The following PARD6B variants were observed in gnomAD, a reference collection of about 807,000 sequenced individuals.
PARD6B encodes partitioning defective 6 homolog beta.
A neutral mutation model predicts 10.5 loss-of-function variants in PARD6B; 4 were observed. The observed-to-expected ratio is 0.38, with a 90% CI of 0.19 to 0.87. PARD6B has a LOEUF of 0.87. PARD6B is among the 40% of genes least tolerant of loss of function. PARD6B has a pLI of 0.41. For synonymous variants in PARD6B, 169 were observed against 170.4 expected, an observed-to-expected ratio of 0.99 and a Z score of 0.07; for missense variants, 396 against 470.6, an observed-to-expected ratio of 0.84 and a Z score of 1.47.
intron 1 of PARD6B, among the ~76,000 whole-genome samples, chr20:50,737,550 CAG>C (rs1356932456): frequency 3.9e-5 from 6 of 152,126 alleles, no homozygotes; most frequent in African/African-American, 1.2e-4. Context: ...GGGCTCCAGA[CAG>C]GGTTTGAGCT....
At chr20:50,736,513 C>T (rs954298443) in intron 1 of PARD6B, among the ~76,000 whole-genome samples, 10 of 152,106 alleles carry the variant, frequency 6.6e-5, no homozygotes, top group African/African-American at 9.7e-5. Flanking sequence ...TGCTGGTCTC[C>T]GCAGTGATTC....
At chr20:50,734,092 C>T (rs535283797) in intron 1 of PARD6B, among the ~76,000 whole-genome samples, 7 of 152,286 alleles carry the variant, frequency 4.6e-5, no homozygotes, top group Admixed American at 2.0e-4. Context: ...AAGTCGGTCC[C>T]ACTATTCTAG....
intron 2 of PARD6B, among the ~76,000 whole-genome samples, chr20:50,746,541 C>G (rs2087568527): frequency 6.6e-6 from 1 of 152,236 alleles, no homozygotes; most frequent in Non-Finnish European, 1.5e-5. Context: ...AAAGTCAACT[C>G]CAATTCCTTG....
In PARD6B at chr20:50,731,794, G is replaced by A. The variant is rs1041987828; in HGVS notation, c.8G>A (p.Arg3His). Residue 3 changes from arginine (R) to histidine (H), a missense_variant, in exon 1 of 3, where the codon CGC becomes CAC. By Grantham distance (29) the Arg-to-His change is conservative. This residue lies in a region of PARD6B where 208 missense variants were observed against 300.9 expected (regional missense o/e 0.69). Coordinates refer to ENST00000371610, the MANE Select transcript of PARD6B (RefSeq NM_032521.3). ...CGGGGCTCGGCGTTCAGCATGAACC[G>A]CAGCCACCGGCACGGGGCGGGCAGC... MN[R>H]SHRHGAGSGC... 1 of 1,462,230 alleles carries A rather than the reference G, an allele frequency of 6.8e-7. No homozygotes were observed. The highest frequency in any genetic ancestry group is 1.3e-5 in the South Asian group (1 of 76,172). The allele number at this position is 1,462,230 out of a possible 1,614,324, so 90.6% of individuals were successfully genotyped here.
chr20:50,735,011 G>T (rs886924782), intron 1 of PARD6B, among the ~76,000 whole-genome samples: 5 of 152,226 alleles, frequency 3.3e-5, no homozygotes, highest in African/African-American at 1.2e-4. Flanking sequence ...TTAGTGGGGC[G>T]TGATGGCATA....
At position 50,752,100 on chromosome 20, in the gene PARD6B, T is replaced by C. The variant is rs566311579; in HGVS notation, c.*1612T>C. 2.0e-6 allele frequency: 2 copies of C among 985,084 alleles called. No individual in the cohort carries two copies. The highest frequency in any genetic ancestry group is 9.4e-5 in the South Asian group (2 of 21,278). The allele number at this position is 985,084 out of a possible 1,614,324, so 61.0% of individuals were successfully genotyped here. On this transcript the variant is annotated 3_prime_UTR_variant, in exon 3 of 3. Transcript: ENST00000371610. ...TTCAAATTAATTCTGTATGGCTATA[T>C]AATTTATGTTTTAAAAGGCAATTCT...
chr20:50,752,659 T>C lies in PARD6B; in HGVS notation c.*2171T>C. 1 of 978,960 alleles carries C rather than the reference T, an allele frequency of 1.0e-6. No homozygotes were observed. Among genetic ancestry groups the C allele is most frequent in the Non-Finnish European group, 1.2e-6 (1 of 823,636 alleles). 60.6% of individuals were successfully genotyped at this position (978,960 alleles called of 1,614,324 possible). A position where few individuals can be genotyped will look rare whatever the true frequency, so the allele number is the denominator to read the frequency against. The stretch of plus-strand genomic sequence containing the variant: ...AACTTTATGGTAGGGCTAGTATGAA[T>C]ACCTTTTTAACAATTGTGTGCTATT... On this transcript the variant is annotated 3_prime_UTR_variant, in exon 3 of 3. Coordinates refer to ENST00000371610, the MANE Select transcript of PARD6B (RefSeq NM_032521.3).
At chr20:50,743,421 G>A (rs2123704158) in intron 2 of PARD6B, among the ~76,000 whole-genome samples, 1 of 152,292 alleles carries the variant, frequency 6.6e-6, no homozygotes, top group East Asian at 1.9e-4. Context: ...ACACAGATGT[G>A]ACTTTGTGGC....
In PARD6B at chr20:50,737,987, A is replaced by G; in HGVS notation, c.197A>G (p.His66Arg). ...VDVLVGYADI[H>R]GDLLPINNDD... ...GTTTTGGTAGGCTATGCAGACATCCATGGAGACTTACTACCTATAAATAAT... is the reference window on the plus strand; with the variant it reads ...GTTTTGGTAGGCTATGCAGACATCCGTGGAGACTTACTACCTATAAATAAT... The change falls in exon 2 of 3, where the codon CAT becomes CGT. Residue 66 changes from histidine (H) to arginine (R), a missense_variant. By Grantham distance (29) the His-to-Arg change is conservative. Transcript: ENST00000371610. 6.2e-7 allele frequency: 1 copy of G among 1,613,808 alleles called. No individual in the cohort carries two copies. The highest frequency in any genetic ancestry group is 8.5e-7 in the Non-Finnish European group (1 of 1,179,842).
chr20:50,751,344 TTCTTTC>T lies in PARD6B; in HGVS notation c.*858_*863del, dbSNP rs1369949090. 1.1e-6 allele frequency: 1 copy of T among 893,890 alleles called. No individual in the cohort carries two copies. The highest frequency in any genetic ancestry group is 1.3e-6 in the Non-Finnish European group (1 of 764,360). 55.4% of individuals were successfully genotyped at this position (893,890 alleles called of 1,614,324 possible). A position where few individuals can be genotyped will look rare whatever the true frequency, so the allele number is the denominator to read the frequency against. ...AAGTACATTTCCAGTTTCTTTTCTT[TTCTTTC>T]TTTTTTTTTTTTTTTTTTTTTTTGA... On this transcript the variant is annotated 3_prime_UTR_variant, in exon 3 of 3. Transcript: ENST00000371610.
chr20:50,752,758 C>A lies in PARD6B; in HGVS notation c.*2270C>A, dbSNP rs73276585. ...TATGGTAAAATATATATGAAGAAGT[C>A]TTGATTACGTGAAGATCACTTGACT... is the stretch of plus-strand genomic sequence containing the variant. On this transcript the variant is annotated 3_prime_UTR_variant, in exon 3 of 3. Transcript: ENST00000371610. 852 of 981,724 alleles carry A rather than the reference C, an allele frequency of 8.7e-4. 7 individuals are homozygous for A. The African/African-American group carries it at 0.014, about 16-fold the overall frequency. 60.8% of individuals were successfully genotyped at this position (981,724 alleles called of 1,614,324 possible).
At chr20:50,738,413 G>T (rs1206976372) in intron 2 of PARD6B, among the ~76,000 whole-genome samples, 1 of 152,208 alleles carries the variant, frequency 6.6e-6, no homozygotes, top group African/African-American at 2.4e-5. Flanking sequence ...TCTCCACTCA[G>T]AAAAATGTGA....
chr20:50,741,453 C>A (rs1004363975), intron 2 of PARD6B, among the ~76,000 whole-genome samples: 1 of 152,096 alleles, frequency 6.6e-6, no homozygotes, highest in African/African-American at 2.4e-5. Context: ...CTGGAAATAT[C>A]TTATTTAAGA....
intron 1 of PARD6B, among the ~76,000 whole-genome samples, chr20:50,733,199 C>A (rs184639071): frequency 2.0e-5 from 3 of 152,334 alleles, no homozygotes; most frequent in African/African-American, 7.2e-5. Context: ...GCGGGTGGAT[C>A]ACCTGAGGTC....
Position 50,751,547 on chromosome 20 carries a change from A to G in PARD6B, c.*1059A>G, listed in dbSNP as rs1194854219. On this transcript the variant is annotated 3_prime_UTR_variant, in exon 3 of 3. Coordinates refer to ENST00000371610, the MANE Select transcript of PARD6B (RefSeq NM_032521.3). ...ATTTTTAGTAGAGACGGGGTTTCGCAGTGTTAGCCAGGAAGGTCTCAATCT... is the reference window on the plus strand; with the variant it reads ...ATTTTTAGTAGAGACGGGGTTTCGCGGTGTTAGCCAGGAAGGTCTCAATCT... 3.0e-5 allele frequency: 26 copies of G among 878,388 alleles called. No individual in the cohort carries two copies. The South Asian group carries it at 8.9e-4, about 30-fold the overall frequency. 54.4% of individuals were successfully genotyped at this position (878,388 alleles called of 1,614,324 possible).
At chr20:50,732,312 C>T (rs1266618394) in intron 1 of PARD6B, among the ~76,000 whole-genome samples, 1 of 152,224 alleles carries the variant, frequency 6.6e-6, no homozygotes, top group African/African-American at 2.4e-5. Flanking sequence ...CTAAACAGCC[C>T]TTTAAAAGTT....
At chr20:50,731,895 C>A in intron 1 of PARD6B, 43 bp downstream of exon 1, 1 of 1,371,120 alleles carries the variant, frequency 7.3e-7, no homozygotes, top group Middle Eastern at 2.6e-4. Context: ...GCCTGGGGGG[C>A]CGGGGCCTGG....
intron 2 of PARD6B, among the ~76,000 whole-genome samples, chr20:50,742,850 A>G (rs1600816963): frequency 6.6e-6 from 1 of 152,236 alleles, no homozygotes; most frequent in East Asian, 1.9e-4. Context: ...TTTTATAACA[A>G]TTTATTGTTA....
intron 1 of PARD6B, among the ~76,000 whole-genome samples, chr20:50,736,647 T>C (rs1290786316): frequency 2.6e-5 from 4 of 152,150 alleles, no homozygotes; most frequent in East Asian, 1.9e-4. Context: ...CACAGTGTTA[T>C]AAATCCTGTT....
Sources: gnomAD v4.1 joint callset for allele counts (sites outside exome capture counted in the v4.1 genomes callset) on GRCh38, gnomAD v4.1.1 for gene constraint, gnomAD v4.1.1 regional missense constraint, MANE v1.5 for transcripts, NCBI Gene and HGNC (gene_info 2026-07-23, HGNC 2026-07-21) for gene names.